Variants in PARP1 observed in about 807,000 individuals in gnomAD.
The protein encoded by PARP1 is poly(ADP-ribose) polymerase 1.
PARP1 carries 44 observed loss-of-function variants against 118.7 expected under a neutral mutation model. The ratio of observed to expected loss-of-function variants is 0.37; its 90% CI spans 0.29 to 0.48. The LOEUF (loss-of-function observed/expected upper bound fraction) is 0.48, where lower values mean the gene tolerates loss of function less well. PARP1 is among the 20% of genes least tolerant of loss of function. PARP1 has a pLI of 0.99. For synonymous variants in PARP1, 492 were observed against 483.2 expected, an observed-to-expected ratio of 1.02 and a Z score of -0.24; for missense variants, 1,100 against 1,272.4, an observed-to-expected ratio of 0.86 and a Z score of 2.06.
intron 12 of PARP1, among the ~76,000 whole-genome samples, chr1:226,378,890 G>C (rs774673120): frequency 6.6e-6 from 1 of 152,118 alleles, no homozygotes; most frequent in Non-Finnish European, 1.5e-5. Flanking sequence ...CAAACAAAAA[G>C]AAAAGCCAGC....
chr1:226,364,152 A>G (rs1664205967), intron 19 of PARP1, 82 bp from the exon 20 acceptor site: 1 of 1,358,256 alleles, frequency 7.4e-7, no homozygotes, highest in Non-Finnish European at 1.1e-6. Context: ...AACTTGAGCA[A>G]GCCACCCAGC....
chr1:226,370,603 G>T, intron 14 of PARP1, 86 bp from the exon 15 acceptor site: 1 of 1,049,132 alleles, frequency 9.5e-7, no homozygotes, highest in Non-Finnish European at 1.5e-6. Flanking sequence ...CCACCCTCAG[G>T]CCCCCAACAG....
At chr1:226,388,142 G>A (rs1010305800) in intron 5 of PARP1, among the ~76,000 whole-genome samples, 1 of 152,150 alleles carries the variant, frequency 6.6e-6, no homozygotes, top group African/African-American at 2.4e-5. Context: ...TTCTGGTCAA[G>A]GACCACTGAT....
intron 11 of PARP1, 145 bp from the exon 12 acceptor site, chr1:226,379,419 C>G: frequency 8.1e-7 from 1 of 1,230,044 alleles, no homozygotes; most frequent in Non-Finnish European, 1.2e-6. Context: ...TGTGTGTTCT[C>G]AGGACTGGGG....
At chr1:226,364,206 G>GT (rs1157522801) in intron 19 of PARP1, 136 bp from the exon 20 acceptor site, 12 of 850,972 alleles carry the variant, frequency 1.4e-5, no homozygotes, top group Non-Finnish European at 7.9e-6. Context: ...AATGCCCATG[G>GT]TGAGGAAATA....
rs1664136402 is a variant in PARP1, at chr1:226,361,464, C to T, written c.3041G>A (p.Trp1014Ter). ...KLKFNFKTSL[W>*] ...TGACTCGGCTACCTCTCCCAATTAC[C>T]ACAGGGAGGTCTTAAAATTGAATTT... The change falls in exon 23 of 23, where the codon TGG becomes TAG. Residue 1014 changes from tryptophan (W) to a stop codon, truncating the protein, a stop_gained. Coordinates refer to ENST00000366794, the MANE Select transcript of PARP1 (RefSeq NM_001618.4). LOFTEE classifies it high-confidence loss of function. The T allele has an allele frequency of 1.2e-6, 2 of 1,604,786 alleles. No individual in the cohort carries two copies. Among genetic ancestry groups the T allele is most frequent in the Non-Finnish European group, 8.5e-7 (1 of 1,171,706 alleles).
In PARP1 at chr1:226,386,254, A is replaced by T. The variant is rs148907718; in HGVS notation, c.834+72T>A. The T allele has an allele frequency of 2.1e-5, 19 of 899,220 alleles. No homozygotes were observed. The East Asian group carries it at 4.6e-4, about 22-fold the overall frequency. 55.7% of individuals were successfully genotyped at this position (899,220 alleles called of 1,614,324 possible). On this transcript the variant is annotated intron_variant, in intron 6 of 22. Coordinates refer to ENST00000366794, the MANE Select transcript of PARP1 (RefSeq NM_001618.4). The stretch of plus-strand genomic sequence containing the variant: ...TCACACGGAGGGCCTCCCACACTCC[A>T]TTGGGACAGTCACTCCACAACGACG...
At chr1:226,377,074 A>G (rs1393933266) in intron 13 of PARP1, 34 bp downstream of exon 13, 3 of 1,574,654 alleles carry the variant, frequency 1.9e-6, no homozygotes, top group South Asian at 2.2e-5. Flanking sequence ...TCCTTTTCCT[A>G]GAAGCAGACA....
intron 2 of PARP1, among the ~76,000 whole-genome samples, chr1:226,399,972 C>T (rs1429304992): frequency 6.6e-6 from 1 of 152,124 alleles, no homozygotes; most frequent in African/African-American, 2.4e-5. Flanking sequence ...CACTGCACCC[C>T]AGCTTGGGTG....
intron 1 of PARP1, among the ~76,000 whole-genome samples, chr1:226,402,933 A>T (rs1251608398): frequency 1.3e-5 from 2 of 152,246 alleles, no homozygotes; most frequent in Non-Finnish European, 2.9e-5. Flanking sequence ...GTGTCAGAAA[A>T]AAGTGTCAAG....
intron 7 of PARP1, among the ~76,000 whole-genome samples, chr1:226,384,064 G>A (rs1236011922): frequency 1.3e-5 from 2 of 152,262 alleles, no homozygotes; most frequent in African/African-American, 4.8e-5. Context: ...TGCCAGAGGT[G>A]TGCCAAGGTG....
chr1:226,374,087 T>C (rs1664445351), intron 14 of PARP1, 139 bp downstream of exon 14: 1 of 1,002,514 alleles, frequency 1.0e-6, no homozygotes, highest in Non-Finnish European at 1.5e-6. Context: ...AATTTAAGAT[T>C]GAAGGACAGG....
At chr1:226,363,369 G>T (rs371368509) in intron 20 of PARP1, among the ~76,000 whole-genome samples, 2 of 152,254 alleles carry the variant, frequency 1.3e-5, no homozygotes, top group Admixed American at 1.3e-4. Flanking sequence ...TGTGCCCAGC[G>T]ATCACTGCTA....
At chr1:226,399,979 G>T (rs767001824) in intron 2 of PARP1, among the ~76,000 whole-genome samples, 1 of 152,118 alleles carries the variant, frequency 6.6e-6, no homozygotes, top group Non-Finnish European at 1.5e-5. Context: ...CCCCAGCTTG[G>T]GTGACAGAGC....
chr1:226,373,799 T>C (rs1471642272), intron 14 of PARP1, among the ~76,000 whole-genome samples: 1 of 152,112 alleles, frequency 6.6e-6, no homozygotes, highest in Non-Finnish European at 1.5e-5. Context: ...TAATACACCT[T>C]GCCACAGCAT....
At chr1:226,362,615 G>A (rs1235833541) in intron 21 of PARP1, among the ~76,000 whole-genome samples, 1 of 152,118 alleles carries the variant, frequency 6.6e-6, no homozygotes, top group East Asian at 1.9e-4. Flanking sequence ...ACTTCAACCA[G>A]GCAGTGGAAG....
At chr1:226,369,433 A>C (rs1664335393) in intron 15 of PARP1, among the ~76,000 whole-genome samples, 1 of 152,230 alleles carries the variant, frequency 6.6e-6, no homozygotes, top group Non-Finnish European at 1.5e-5. Context: ...ATGTTGAAAT[A>C]ACATGAATGA....
chr1:226,388,681 T>G lies in PARP1; in HGVS notation c.692A>C (p.Asp231Ala). 2.5e-6 allele frequency: 4 copies of G among 1,613,594 alleles called. No homozygotes were observed. Among genetic ancestry groups the G allele is most frequent in the Non-Finnish European group, 3.4e-6 (4 of 1,179,508 alleles). The change falls in exon 5 of 23, where the codon GAT becomes GCT. Residue 231 changes from aspartate (D) to alanine (A), a missense_variant. Physicochemically the swap from Asp to Ala is moderately radical, Grantham distance 126 (BLOSUM62 -2). This residue lies in a region of PARP1 where 948 missense variants were observed against 1,031.8 expected (regional missense o/e 0.92). Coordinates refer to ENST00000366794, the MANE Select transcript of PARP1 (RefSeq NM_001618.4). Reference sequence around the variant, plus strand: ...CTTTAGGGCTTTTTCAAGCTTACTATCCTTGTCTTTTTCTTTTTTAGATTT... The same window carrying G: ...CTTTAGGGCTTTTTCAAGCTTACTAGCCTTGTCTTTTTCTTTTTTAGATTT... ...KKKSKKEKDK[D>A]SKLEKALKAQ...
At chr1:226,392,168 A>G in intron 3 of PARP1, 31 bp downstream of exon 3, 1 of 1,378,196 alleles carries the variant, frequency 7.3e-7, no homozygotes, top group East Asian at 2.3e-5. Context: ...CAATCCATAA[A>G]GTTCAGGGAT....
Sources: gnomAD v4.1 joint callset for allele counts (sites outside exome capture counted in the v4.1 genomes callset) on GRCh38, gnomAD v4.1.1 for gene constraint, gnomAD v4.1.1 regional missense constraint, MANE v1.5 for transcripts, NCBI Gene and HGNC (gene_info 2026-07-23, HGNC 2026-07-21) for gene names.